The following LIPC variants were observed in gnomAD, a reference collection of about 807,000 sequenced individuals.
LIPC encodes the protein hepatic triacylglycerol lipase.
LIPC carries 44 observed loss-of-function variants against 50.7 expected under a neutral mutation model. That is an observed-to-expected ratio of 0.87 (90% CI 0.68 to 1.11). LIPC has a LOEUF of 1.11. Ranked by LOEUF, LIPC falls within the 50% of genes most tolerant of loss-of-function variation. LIPC has a pLI of 0.00. For missense variants in LIPC, 697 were observed against 648.2 expected, an observed-to-expected ratio of 1.08 and a Z score of -0.82; for synonymous variants, 271 against 256.4, an observed-to-expected ratio of 1.06 and a Z score of -0.54.
At chr15:58,446,472 G>A (rs1893698162) in intron 1 of LIPC, among the ~76,000 whole-genome samples, 1 of 152,202 alleles carries the variant, frequency 6.6e-6, no homozygotes, top group South Asian at 2.1e-4. Context: ...CAAGATAGTT[G>A]TTGATAGCGT....
chr15:58,451,496 T>C (rs2140674262), intron 1 of LIPC, among the ~76,000 whole-genome samples: 1 of 152,256 alleles, frequency 6.6e-6, no homozygotes, highest in East Asian at 1.9e-4. Flanking sequence ...GAACTCAAAC[T>C]TCCAGAGAGA....
chr15:58,542,803 A>C, intron 4 of LIPC, 152 bp downstream of exon 4: 1 of 647,396 alleles, frequency 1.5e-6, no homozygotes, highest in South Asian at 1.6e-5. Context: ...TCTTTCAAAC[A>C]TGACCAATGT....
chr15:58,549,513 T>A (rs1391264616), intron 6 of LIPC, among the ~76,000 whole-genome samples: 2 of 152,170 alleles, frequency 1.3e-5, no homozygotes, highest in Admixed American at 1.3e-4. Flanking sequence ...GCAGGGCTGG[T>A]TATTATCCCA....
chr15:58,563,464 C>T (rs750683612), intron 7 of LIPC, 41 bp from the exon 8 acceptor site: 32 of 1,521,128 alleles, frequency 2.1e-5, no homozygotes, highest in Middle Eastern at 3.4e-4. Context: ...TTTGCTGTTA[C>T]GACTAAACTG....
intron 1 of LIPC, among the ~76,000 whole-genome samples, chr15:58,520,257 G>C (rs1892615957): frequency 6.6e-6 from 1 of 152,000 alleles, no homozygotes; most frequent in African/African-American, 2.4e-5. Context: ...TTTTGTTTGG[G>C]TTGAAACAAG....
intron 1 of LIPC, among the ~76,000 whole-genome samples, chr15:58,458,850 T>C (rs1894229933): frequency 6.6e-6 from 1 of 152,204 alleles, no homozygotes; most frequent in Non-Finnish European, 1.5e-5. Context: ...AGAGGGTTTT[T>C]TGCCACCATC....
rs147941779 is a variant in LIPC at position 58,555,482 on chromosome 15, G to A, written c.1052-5382G>A. On this transcript the variant is annotated intron_variant, in intron 6 of 8. Transcript: ENST00000299022. ...AGCTTGCAGAACGAAAACAGCAGGC[G>A]ATATAGAAAGAGTCTTTTGGAATTA... is the stretch of plus-strand genomic sequence containing the variant. Among the ~76,000 whole-genome samples the A allele has an allele frequency of 2.9e-3, 439 of 152,316 alleles. 3 individuals carry two copies. Among genetic ancestry groups the A allele is most frequent in the African/African-American group, 1.0e-2 (414 of 41,556 alleles).
At chr15:58,556,367 G>T (rs567140316) in intron 6 of LIPC, among the ~76,000 whole-genome samples, 4 of 152,172 alleles carry the variant, frequency 2.6e-5, no homozygotes, top group African/African-American at 9.7e-5. Flanking sequence ...CAAGGCAGAG[G>T]CCACAAAGGA....
At chr15:58,567,400 G>A (rs1894429466) in intron 8 of LIPC, among the ~76,000 whole-genome samples, 1 of 143,874 alleles carries the variant, frequency 7.0e-6, no homozygotes, top group Admixed American at 7.1e-5. Context: ...AGAGTCCTTG[G>A]TCTCATGAAG....
intron 1 of LIPC, among the ~76,000 whole-genome samples, chr15:58,509,839 C>T (rs1892277590): frequency 6.6e-6 from 1 of 152,004 alleles, no homozygotes; most frequent in South Asian, 2.1e-4. Flanking sequence ...GATAGGAATG[C>T]TGTCAATGGA....
At chr15:58,494,531 G>A (rs566430578) in intron 1 of LIPC, among the ~76,000 whole-genome samples, 1 of 152,318 alleles carries the variant, frequency 6.6e-6, no homozygotes, top group South Asian at 2.1e-4. Context: ...ATTGAACAAA[G>A]GGAAGTATGC....
At chr15:58,436,255 T>A (rs1352721157) in intron 1 of LIPC, 2 of 159,222 alleles carry the variant, frequency 1.3e-5, no homozygotes, top group Non-Finnish European at 2.7e-5. Context: ...AACAGTAGAT[T>A]TGAAACAAAA....
chr15:58,448,944 G>A (rs1893801665), intron 1 of LIPC, among the ~76,000 whole-genome samples: 1 of 152,182 alleles, frequency 6.6e-6, no homozygotes, highest in South Asian at 2.1e-4. Context: ...TACCCTGAAG[G>A]ACAAAAACCA....
intron 1 of LIPC, among the ~76,000 whole-genome samples, chr15:58,456,998 A>C (rs957565302): frequency 6.6e-6 from 1 of 152,248 alleles, no homozygotes; most frequent in African/African-American, 2.4e-5. Flanking sequence ...GCTCCAGCAG[A>C]GATGATGCCC....
intron 1 of LIPC, among the ~76,000 whole-genome samples, chr15:58,481,498 T>A (rs1891187912): frequency 6.6e-6 from 1 of 152,188 alleles, no homozygotes; most frequent in African/African-American, 2.4e-5. Flanking sequence ...AAGAACACTA[T>A]GCAGCCTTTT....
rs143105979 is a variant in LIPC at position 58,498,997 on chromosome 15, CT to C, written c.89-39335del. Among the ~76,000 whole-genome samples the C allele has an allele frequency of 4.7e-3, 714 of 152,334 alleles. 8 individuals carry two copies. The highest frequency in any genetic ancestry group is 0.016 in the African/African-American group (683 of 41,568). On this transcript the variant is annotated intron_variant, in intron 1 of 8. Coordinates refer to ENST00000299022, the MANE Select transcript of LIPC (RefSeq NM_000236.3). ...AAACCATCTCCCAAGGAGGCTGGGC[CT>C]GTCAACGGCCTTGCTTCGCTGAGCA...
At chr15:58,479,572 G>A (rs1298406773) in intron 1 of LIPC, among the ~76,000 whole-genome samples, 1 of 152,208 alleles carries the variant, frequency 6.6e-6, no homozygotes, top group African/African-American at 2.4e-5. Context: ...CTGGGTCCAT[G>A]TGATTTCCTT....
chr15:58,448,879 G>A (rs142100021), intron 1 of LIPC, among the ~76,000 whole-genome samples: 1,679 of 152,284 alleles, frequency 0.011, 17 homozygotes, highest in Non-Finnish European at 0.018. Flanking sequence ...ACAGAGAGTG[G>A]GGGCCAGTAA....
chr15:58,512,648 G>T (rs1892364040), intron 1 of LIPC, among the ~76,000 whole-genome samples: 1 of 152,176 alleles, frequency 6.6e-6, no homozygotes, highest in South Asian at 2.1e-4. Flanking sequence ...TGGAGTCTCA[G>T]ACCTGTCCCA....
Sources: gnomAD v4.1 joint callset for allele counts (sites outside exome capture counted in the v4.1 genomes callset) on GRCh38, gnomAD v4.1.1 for gene constraint, MANE v1.5 for transcripts, NCBI Gene and HGNC (gene_info 2026-07-23, HGNC 2026-07-21) for gene names.